The following STARD13 variants were observed in gnomAD, a reference collection of about 807,000 sequenced individuals.
STARD13 encodes StAR related lipid transfer domain containing 13.
STARD13 carries 62 observed loss-of-function variants against 106.4 expected under a neutral mutation model. The ratio of observed to expected loss-of-function variants is 0.58; its 90% CI spans 0.48 to 0.72. The LOEUF is 0.72. Ranked by LOEUF, STARD13 falls within the 30% of genes least tolerant of loss-of-function variation. STARD13 has a pLI of 0.00. For missense variants in STARD13, 1,387 were observed against 1,424.0 expected (o/e 0.97, Z 0.42); for synonymous variants, 565 against 553.0 (o/e 1.02, Z -0.31).
the STARD13 span, among the ~76,000 whole-genome samples, chr13:33,628,129 T>C: frequency 2.8e-5 from 4 of 140,658 alleles, no homozygotes; most frequent in African/African-American, 1.1e-4. Flanking sequence ...TTTTCATTCC[T>C]GGACTCTCTC....
intron 1 of STARD13, among the ~76,000 whole-genome samples, chr13:33,213,157 C>T (rs1342563102): frequency 2.0e-5 from 3 of 152,128 alleles, no homozygotes; most frequent in Non-Finnish European, 4.4e-5. Context: ...AATTCCAATG[C>T]TAAGAATTTC....
chr13:33,106,819 A>C lies in STARD13; in HGVS notation c.3163T>G (p.Leu1055Val). 1.2e-6 allele frequency: 2 copies of C among 1,614,154 alleles called. No homozygotes were observed. ...TTGCCAGAGCCACACGGTTCTATCA[A>C]GTACTGCGAGTCCATCACCACTGCT... ...VRAVVMDSQY[L>V]IEPCGSGKSR... Residue 1055 changes from leucine to valine, a missense_variant, in exon 13 of 14, where the codon TTG becomes GTG. Physicochemically the swap from Leu to Val is conservative, Grantham distance 32 (BLOSUM62 1). Coordinates refer to ENST00000336934, the MANE Select transcript of STARD13 (RefSeq NM_178006.4).
At chr13:33,475,842 A>T in the STARD13 span, among the ~76,000 whole-genome samples, 1 of 152,124 alleles carries the variant, frequency 6.6e-6, no homozygotes, top group Non-Finnish European at 1.5e-5. Context: ...CTGTAGTCCC[A>T]GCTACTCAGG....
intron 1 of STARD13, among the ~76,000 whole-genome samples, chr13:33,248,328 ACTT>A (rs1284699239): frequency 1.3e-5 from 2 of 152,166 alleles, no homozygotes; most frequent in Non-Finnish European, 2.9e-5. Context: ...CAGAGTGAGA[ACTT>A]CTCTCTCTAA....
At chr13:33,132,263 T>C (rs74322013) in intron 4 of STARD13, among the ~76,000 whole-genome samples, 4,159 of 152,260 alleles carry the variant, frequency 0.027, 202 homozygotes, top group African/African-American at 0.093. Flanking sequence ...ATATTGTAGC[T>C]CCCATAATTC....
the STARD13 span, among the ~76,000 whole-genome samples, chr13:33,499,607 CTTCTTCTTCTTCTTCTTCTT>C: frequency 1.7e-5 from 1 of 59,728 alleles, no homozygotes; most frequent in East Asian, 5.2e-4. Flanking sequence ...CTTCTTCTTT[CTTCTTCTTCTTCTTCTTCTT>C]CTTCTTCTTC....
chr13:33,386,546 C>T, the STARD13 span, among the ~76,000 whole-genome samples: 1 of 152,122 alleles, frequency 6.6e-6, no homozygotes, highest in Non-Finnish European at 1.5e-5. Flanking sequence ...AGGCAATTCT[C>T]AAGGTGACCT....
At chr13:33,204,121 G>A (rs938678513) in intron 1 of STARD13, among the ~76,000 whole-genome samples, 6 of 152,202 alleles carry the variant, frequency 3.9e-5, no homozygotes, top group South Asian at 2.1e-4. Flanking sequence ...AAGGTCTGAC[G>A]TGGGTACTGT....
At chr13:33,528,408 C>T in the STARD13 span, among the ~76,000 whole-genome samples, 58 of 150,406 alleles carry the variant, frequency 3.9e-4, no homozygotes, top group Non-Finnish European at 5.8e-4. Context: ...TAGCTGAGAC[C>T]GTAGGGTGTG....
chr13:33,609,277 A>C, the STARD13 span, among the ~76,000 whole-genome samples: 1 of 152,272 alleles, frequency 6.6e-6, no homozygotes, highest in Admixed American at 6.5e-5. Context: ...GAAATGTCGC[A>C]AAGTATGTAA....
chr13:33,639,760 A>C, the STARD13 span, among the ~76,000 whole-genome samples: 1 of 152,230 alleles, frequency 6.6e-6, no homozygotes, highest in Non-Finnish European at 1.5e-5. Context: ...GCCAAACTGT[A>C]ATCAACCCAG....
chr13:33,409,229 C>T, the STARD13 span, among the ~76,000 whole-genome samples: 3 of 152,092 alleles, frequency 2.0e-5, no homozygotes, highest in African/African-American at 7.2e-5. Flanking sequence ...TTACTATGTG[C>T]CAGCTATTGT....
intron 3 of STARD13, among the ~76,000 whole-genome samples, chr13:33,160,549 G>A (rs905554703): frequency 1.6e-4 from 24 of 152,078 alleles, no homozygotes; most frequent in Admixed American, 1.4e-3. Flanking sequence ...TTCTGACAAA[G>A]GACTCATATC....
chr13:33,468,167 G>C, the STARD13 span, among the ~76,000 whole-genome samples: 378 of 152,208 alleles, frequency 2.5e-3, 3 homozygotes, highest in African/African-American at 8.7e-3. Context: ...TATTCTTGTG[G>C]ACATCTAATT....
At chr13:33,537,130 G>A in the STARD13 span, among the ~76,000 whole-genome samples, 1 of 152,252 alleles carries the variant, frequency 6.6e-6, no homozygotes, top group Non-Finnish European at 1.5e-5. Context: ...TTCCAGAACA[G>A]TTCTGAGCAC....
chr13:33,630,054 T>C, the STARD13 span, among the ~76,000 whole-genome samples: 2 of 152,356 alleles, frequency 1.3e-5, no homozygotes, highest in Non-Finnish European at 2.9e-5. Flanking sequence ...TTCTTTCACA[T>C]TTACATAATT....
At chr13:33,249,144 A>C (rs796350896) in intron 1 of STARD13, among the ~76,000 whole-genome samples, 15 of 152,346 alleles carry the variant, frequency 9.8e-5, no homozygotes, top group African/African-American at 3.4e-4. Context: ...AGGAAAAAAA[A>C]GTTGGGAACA....
At chr13:33,549,011 AATT>A in the STARD13 span, among the ~76,000 whole-genome samples, 4 of 152,184 alleles carry the variant, frequency 2.6e-5, no homozygotes, top group African/African-American at 7.2e-5. Context: ...GATGACTGAT[AATT>A]ATTACCATAT....
At chr13:33,430,858 A>G in the STARD13 span, among the ~76,000 whole-genome samples, 1 of 152,234 alleles carries the variant, frequency 6.6e-6, no homozygotes, top group South Asian at 2.1e-4. Flanking sequence ...GTGGGAGCTA[A>G]AAAAGTGGAT....
Sources: gnomAD v4.1 joint callset for allele counts (sites outside exome capture counted in the v4.1 genomes callset) on GRCh38, gnomAD v4.1.1 for gene constraint, MANE v1.5 for transcripts, NCBI Gene and HGNC (gene_info 2026-07-23, HGNC 2026-07-21) for gene names.